The following ENTPD1 variants were observed in gnomAD, a reference collection of about 807,000 sequenced individuals.
ENTPD1 encodes ATP diphosphohydrolase.
ENTPD1 carries 33 observed loss-of-function variants against 57.0 expected under a neutral mutation model. The observed-to-expected ratio is 0.58, with a 90% confidence interval of 0.44 to 0.77. The LOEUF is 0.77. Among genes scored for constraint, ENTPD1 ranks in the 30% least tolerant of loss-of-function variants. ENTPD1 has a pLI of 0.00. For synonymous variants in ENTPD1, 202 were observed against 218.8 expected (o/e 0.92, Z 0.68); for missense variants, 501 against 603.4 (o/e 0.83, Z 1.78).
At chr10:95,839,210 C>T (rs1163840747) in intron 2 of ENTPD1, 2 of 179,240 alleles carry the variant, frequency 1.1e-5, no homozygotes, top group South Asian at 1.3e-4. Context: ...AATTCCAAAG[C>T]CCAGGACACA....
At chr10:95,767,582 A>C (rs1360390437) in intron 1 of ENTPD1, among the ~76,000 whole-genome samples, 2 of 151,966 alleles carry the variant, frequency 1.3e-5, no homozygotes, top group African/African-American at 4.8e-5. Context: ...TCATCCATCC[A>C]TGAATTTAAT....
intron 1 of ENTPD1, among the ~76,000 whole-genome samples, chr10:95,735,882 C>T (rs1175786442): frequency 2.8e-4 from 43 of 152,166 alleles, no homozygotes; most frequent in Admixed American, 2.5e-3. Flanking sequence ...CAGGCATGAG[C>T]CACTGCCCCC....
chr10:95,828,373 C>T (rs2098385175), intron 2 of ENTPD1, among the ~76,000 whole-genome samples: 1 of 152,154 alleles, frequency 6.6e-6, no homozygotes, highest in South Asian at 2.1e-4. Flanking sequence ...CCTATTGATT[C>T]TACATTATGG....
intron 2 of ENTPD1, chr10:95,839,365 T>A (rs545231871): frequency 5.3e-5 from 19 of 359,608 alleles, no homozygotes; most frequent in South Asian, 4.8e-4. Flanking sequence ...CCTTCCATAG[T>A]GTCTCAGCTA....
At chr10:95,805,096 G>T (rs2098266635) in intron 1 of ENTPD1, among the ~76,000 whole-genome samples, 2 of 152,146 alleles carry the variant, frequency 1.3e-5, no homozygotes, top group Admixed American at 6.5e-5. Context: ...GGGTGTAAAA[G>T]TCTCCCATTA....
chr10:95,843,442 G>A (rs980828087), intron 4 of ENTPD1: 4 of 152,176 alleles, frequency 2.6e-5, no homozygotes, highest in African/African-American at 4.8e-5. Context: ...TTAGCACTAC[G>A]CTAAGCACTT....
At chr10:95,744,253 G>A (rs2098003647) in intron 1 of ENTPD1, among the ~76,000 whole-genome samples, 1 of 151,786 alleles carries the variant, frequency 6.6e-6, no homozygotes, top group Admixed American at 6.6e-5. Context: ...CATGTATAGT[G>A]GTTTCAGAAT....
chr10:95,728,203 T>C (rs546110685), intron 1 of ENTPD1, among the ~76,000 whole-genome samples: 10 of 152,366 alleles, frequency 6.6e-5, no homozygotes, highest in African/African-American at 2.4e-4. Flanking sequence ...AACTTATCTA[T>C]TAATAGCCTA....
At chr10:95,757,826 GA>G (rs1411217549) in intron 1 of ENTPD1, among the ~76,000 whole-genome samples, 1 of 151,594 alleles carries the variant, frequency 6.6e-6, no homozygotes, top group African/African-American at 2.4e-5. Flanking sequence ...CCAACATGAT[GA>G]AACCCTGTCT....
chr10:95,819,010 CT>C (rs957123560), intron 1 of ENTPD1, among the ~76,000 whole-genome samples: 30 of 152,164 alleles, frequency 2.0e-4, no homozygotes, highest in African/African-American at 6.7e-4. Flanking sequence ...CAAAGCAAAA[CT>C]TTTTTTTGCC....
intron 1 of ENTPD1, among the ~76,000 whole-genome samples, chr10:95,760,568 A>G (rs1386487652): frequency 6.6e-6 from 1 of 152,216 alleles, no homozygotes; most frequent in Non-Finnish European, 1.5e-5. Context: ...CTGCGGGGTA[A>G]TAACATACAT....
rs116397238 is a variant in ENTPD1, at chr10:95,791,489, G to A, written c.17-31748G>A. Among the ~76,000 whole-genome samples, 5,674 of 152,172 alleles carry A rather than the reference G, an allele frequency of 0.037. 127 individuals are homozygous for A. The highest frequency in any genetic ancestry group is 0.049 in the Non-Finnish European group (3,358 of 67,988). Reference sequence around the variant, plus strand: ...AAATTCTAATTTGCTTTGTAGCTTCGAGCTGGGATCAGAGAGTGGAAGTTA... The same window carrying A: ...AAATTCTAATTTGCTTTGTAGCTTCAAGCTGGGATCAGAGAGTGGAAGTTA... On this transcript the variant is annotated intron_variant, in intron 1 of 9. Coordinates refer to ENST00000371205, the MANE Select transcript of ENTPD1 (RefSeq NM_001776.6). This position sits in a 1 kb window ranked among gnomAD's most constrained non-coding sequence, Gnocchi z 4.1.
chr10:95,747,562 A>G (rs1344843893), intron 1 of ENTPD1, among the ~76,000 whole-genome samples: 2 of 152,184 alleles, frequency 1.3e-5, no homozygotes, highest in South Asian at 4.1e-4. Flanking sequence ...CTAATGATGC[A>G]GAAACTACCA....
chr10:95,854,453 G>A (rs1340542708), intron 7 of ENTPD1, among the ~76,000 whole-genome samples: 2 of 152,156 alleles, frequency 1.3e-5, no homozygotes, highest in Non-Finnish European at 2.9e-5. Flanking sequence ...TGTGATCTTA[G>A]TTATTTCTTG....
the ENTPD1 span, among the ~76,000 whole-genome samples, chr10:95,694,613 A>AT: frequency 6.6e-6 from 1 of 152,148 alleles, no homozygotes; most frequent in African/African-American, 2.4e-5. Context: ...GAGAGAAAGA[A>AT]TAAAAAAAAG....
chr10:95,838,643 G>T (rs2098416082), intron 2 of ENTPD1, among the ~76,000 whole-genome samples: 1 of 152,178 alleles, frequency 6.6e-6, no homozygotes, highest in Admixed American at 6.5e-5. Flanking sequence ...AACTGACTGA[G>T]AGGGGCACTG....
At chr10:95,773,207 C>T (rs927715116) in intron 1 of ENTPD1, among the ~76,000 whole-genome samples, 1 of 152,168 alleles carries the variant, frequency 6.6e-6, no homozygotes, top group Non-Finnish European at 1.5e-5. Flanking sequence ...CAAACACCTC[C>T]CATTTGGCCC....
chr10:95,843,843 T>C (rs2098427525), intron 4 of ENTPD1, among the ~76,000 whole-genome samples: 1 of 152,186 alleles, frequency 6.6e-6, no homozygotes, highest in Non-Finnish European at 1.5e-5. Flanking sequence ...AGACTCCCAG[T>C]GTTGGGTAGC....
chr10:95,714,552 A>T (rs2139812380), intron 1 of ENTPD1, among the ~76,000 whole-genome samples: 1 of 152,302 alleles, frequency 6.6e-6, no homozygotes, highest in South Asian at 2.1e-4. Context: ...AGCAGTAAAG[A>T]AGCTAATTTT....
Sources: gnomAD v4.1 joint callset for allele counts (sites outside exome capture counted in the v4.1 genomes callset) on GRCh38, gnomAD v4.1.1 for gene constraint, Gnocchi (gnomAD v3.1) non-coding constraint, MANE v1.5 for transcripts, NCBI Gene and HGNC (gene_info 2026-07-23, HGNC 2026-07-21) for gene names.